Variants in PHLPP1 observed in about 807,000 individuals in gnomAD.
PHLPP1 encodes the protein PH domain and leucine rich repeat protein phosphatase 1, also known as PH domain leucine-rich repeat-containing protein phosphatase 1.
A neutral mutation model predicts 117.2 loss-of-function variants in PHLPP1; 42 were observed. The ratio of observed to expected loss-of-function variants is 0.36; its 90% CI spans 0.28 to 0.46. PHLPP1 has a LOEUF of 0.46. PHLPP1 is among the 20% of genes least tolerant of loss of function. PHLPP1 has a pLI of 1.00. For missense variants in PHLPP1, 2,084 were observed against 2,241.9 expected, an observed-to-expected ratio of 0.93 and a Z score of 1.42; for synonymous variants, 1,042 against 970.7, an observed-to-expected ratio of 1.07 and a Z score of -1.37.
chr18:62,750,071 T>C (rs1911798733), intron 1 of PHLPP1, among the ~76,000 whole-genome samples: 1 of 152,100 alleles, frequency 6.6e-6, no homozygotes, highest in African/African-American at 2.4e-5. Context: ...ACCAGTCAGA[T>C]TGGGTTAAGG....
intron 1 of PHLPP1, among the ~76,000 whole-genome samples, chr18:62,772,972 A>C (rs548539523): frequency 7.2e-5 from 11 of 152,048 alleles, no homozygotes; most frequent in African/African-American, 1.7e-4. Context: ...CCCAAAAAAA[A>C]CTCTAAAATT....
At chr18:62,817,373 G>A (rs191207696) in intron 1 of PHLPP1, among the ~76,000 whole-genome samples, 1 of 152,158 alleles carries the variant, frequency 6.6e-6, no homozygotes, top group Non-Finnish European at 1.5e-5. Context: ...ATTAAGGAGA[G>A]ACATGGAAGA....
At chr18:62,729,533 A>G (rs1334128378) in intron 1 of PHLPP1, among the ~76,000 whole-genome samples, 1 of 152,062 alleles carries the variant, frequency 6.6e-6, no homozygotes, top group Non-Finnish European at 1.5e-5. Context: ...AAATTAGCCA[A>G]GCATGGTGGT....
At chr18:62,802,281 C>G (rs1346117604) in intron 1 of PHLPP1, among the ~76,000 whole-genome samples, 1 of 152,104 alleles carries the variant, frequency 6.6e-6, no homozygotes, top group Non-Finnish European at 1.5e-5. Context: ...GCCTGAACAG[C>G]AAGAAAACAG....
At chr18:62,740,479 T>A (rs1911492279) in intron 1 of PHLPP1, among the ~76,000 whole-genome samples, 1 of 152,208 alleles carries the variant, frequency 6.6e-6, no homozygotes, top group Admixed American at 6.5e-5. Context: ...CAGGTAGATA[T>A]GTAGATATAA....
rs747889895 is a variant in PHLPP1 at position 62,808,565 on chromosome 18, T to TTTTTTTTTTTTTTTTA, written c.1577-21466_1577-21465insTTTTTTTTTTTATTTT. Among the ~76,000 whole-genome samples the TTTTTTTTTTTTTTTTA allele has an allele frequency of 9.0e-4, 136 of 150,828 alleles. 1 individual carries two copies. The highest frequency in any genetic ancestry group is 7.7e-3 in the South Asian group (36 of 4,696). On this transcript the variant is annotated intron_variant, in intron 1 of 16. Coordinates refer to ENST00000262719, the MANE Select transcript of PHLPP1 (RefSeq NM_194449.4). ...TCTCTCTGTTTTTTTTTGTTTTTTT[T>TTTTTTTTTTTTTTTTA]TTTTGAGACGGAGTTTCACTCTTGT...
At chr18:62,932,897 TAAAC>T (rs1165746845) in intron 10 of PHLPP1, among the ~76,000 whole-genome samples, 1 of 152,236 alleles carries the variant, frequency 6.6e-6, no homozygotes, top group African/African-American at 2.4e-5. Flanking sequence ...TCAGACTTGA[TAAAC>T]AACTTCAGTA....
intron 1 of PHLPP1, among the ~76,000 whole-genome samples, chr18:62,788,830 A>G (rs756237447): frequency 6.6e-6 from 1 of 152,074 alleles, no homozygotes; most frequent in Non-Finnish European, 1.5e-5. Flanking sequence ...TATTTCTTAT[A>G]TCTTAGGTTC....
chr18:62,855,661 A>G (rs1214268302), intron 3 of PHLPP1, among the ~76,000 whole-genome samples: 3 of 152,204 alleles, frequency 2.0e-5, no homozygotes, highest in Non-Finnish European at 4.4e-5. Flanking sequence ...AGCCTCGTTA[A>G]TGTGGTTTCC....
chr18:62,955,211 A>G (rs1404518011), intron 12 of PHLPP1, among the ~76,000 whole-genome samples: 1 of 152,352 alleles, frequency 6.6e-6, no homozygotes, highest in Non-Finnish European at 1.5e-5. Flanking sequence ...AAAGCATGTC[A>G]CATGCATGAG....
chr18:62,890,507 C>T (rs1346175918), intron 4 of PHLPP1, among the ~76,000 whole-genome samples: 1 of 152,172 alleles, frequency 6.6e-6, no homozygotes, highest in Non-Finnish European at 1.5e-5. Context: ...CTCAGGTGAT[C>T]CACCCGCCTC....
chr18:62,871,897 G>A (rs1248119292), intron 4 of PHLPP1, among the ~76,000 whole-genome samples: 1 of 152,060 alleles, frequency 6.6e-6, no homozygotes, highest in East Asian at 1.9e-4. Context: ...CGCCTGCCTC[G>A]GCCTCCCAAA....
intron 1 of PHLPP1, among the ~76,000 whole-genome samples, chr18:62,720,600 C>A (rs1910885903): frequency 6.6e-6 from 1 of 152,182 alleles, no homozygotes; most frequent in Non-Finnish European, 1.5e-5. Context: ...TATTGACAAG[C>A]AGGTTCTTAT....
intron 10 of PHLPP1, among the ~76,000 whole-genome samples, chr18:62,939,208 G>T (rs1257419244): frequency 1.3e-5 from 2 of 151,808 alleles, no homozygotes; most frequent in Non-Finnish European, 1.5e-5. Flanking sequence ...GGCCAGGCTG[G>T]TCTCGAACTC....
intron 1 of PHLPP1, among the ~76,000 whole-genome samples, chr18:62,787,800 GA>G (rs1370379355): frequency 6.6e-6 from 1 of 152,148 alleles, no homozygotes; most frequent in Non-Finnish European, 1.5e-5. Flanking sequence ...GGGGGTGGGG[GA>G]TAGGAATATG....
chr18:62,881,794 G>A (rs1205220441), intron 4 of PHLPP1, among the ~76,000 whole-genome samples: 1 of 152,190 alleles, frequency 6.6e-6, no homozygotes, highest in Non-Finnish European at 1.5e-5. Flanking sequence ...GGGACGACAG[G>A]AAAAGCACTG....
intron 3 of PHLPP1, 69 bp from the exon 4 acceptor site, chr18:62,860,366 A>G: frequency 7.7e-7 from 1 of 1,296,088 alleles, no homozygotes; most frequent in Non-Finnish European, 1.1e-6. Context: ...GGATTATCTT[A>G]TTTCTATCCA....
At chr18:62,746,420 T>G (rs972833434) in intron 1 of PHLPP1, among the ~76,000 whole-genome samples, 4 of 152,252 alleles carry the variant, frequency 2.6e-5, no homozygotes, top group African/African-American at 9.6e-5. Flanking sequence ...AGTCAGGACT[T>G]ACTTCGGCAA....
chr18:62,855,905 C>G (rs1915483298), intron 3 of PHLPP1, among the ~76,000 whole-genome samples: 2 of 152,174 alleles, frequency 1.3e-5, no homozygotes, highest in African/African-American at 4.8e-5. Context: ...GGCCATTCTT[C>G]CAGCAAGATG....
Sources: gnomAD v4.1 joint callset for allele counts (sites outside exome capture counted in the v4.1 genomes callset) on GRCh38, gnomAD v4.1.1 for gene constraint, MANE v1.5 for transcripts, NCBI Gene and HGNC (gene_info 2026-07-23, HGNC 2026-07-21) for gene names.